Variants in SGCZ observed in about 807,000 individuals in gnomAD.
SGCZ encodes sarcoglycan zeta.
In SGCZ, 40 loss-of-function variants were observed where a neutral mutation model predicts 41.3. The observed-to-expected ratio is 0.97, with a 90% CI of 0.75 to 1.26. The LOEUF is 1.26. SGCZ is among the 50% of genes most tolerant of loss of function. The probability of loss-of-function intolerance (pLI) is 0.00; values close to 1 mark genes in which losing one functional copy is unlikely to be tolerated. For missense variants in SGCZ, 552 were observed against 369.8 expected (o/e 1.49, Z -4.04); for synonymous variants, 206 against 137.5 (o/e 1.50, Z -3.49).
chr8:14,596,855 C>T (rs1805428759), intron 1 of SGCZ, among the ~76,000 whole-genome samples: 1 of 151,934 alleles, frequency 6.6e-6, no homozygotes, highest in South Asian at 2.1e-4. Flanking sequence ...AATAAAGAAA[C>T]AGAATTTTTT....
At chr8:14,520,971 T>C (rs1464537675) in intron 2 of SGCZ, among the ~76,000 whole-genome samples, 2 of 152,152 alleles carry the variant, frequency 1.3e-5, no homozygotes, top group East Asian at 1.9e-4. Context: ...AAGATAGCAG[T>C]ATATAATTGC....
intron 4 of SGCZ, among the ~76,000 whole-genome samples, chr8:14,199,703 A>G (rs1008661863): frequency 2.6e-5 from 4 of 152,146 alleles, no homozygotes; most frequent in African/African-American, 9.7e-5. Flanking sequence ...CTTAGGGAAA[A>G]TAGAAAAGAA....
At chr8:14,708,327 G>A (rs142529508) in intron 1 of SGCZ, among the ~76,000 whole-genome samples, 213 of 151,796 alleles carry the variant, frequency 1.4e-3, no homozygotes, top group African/African-American at 4.8e-3. Flanking sequence ...TCTTGAGATA[G>A]TAAATATCTA....
At chr8:14,318,606 G>C (rs1315075446) in intron 3 of SGCZ, among the ~76,000 whole-genome samples, 1 of 151,802 alleles carries the variant, frequency 6.6e-6, no homozygotes, top group African/African-American at 2.4e-5. Context: ...GTACACCATT[G>C]GAAGTATTCT....
At chr8:14,600,099 TAGTA>T (rs1237264335) in intron 1 of SGCZ, among the ~76,000 whole-genome samples, 1 of 152,162 alleles carries the variant, frequency 6.6e-6, no homozygotes, top group Non-Finnish European at 1.5e-5. Context: ...TCCCATCTAG[TAGTA>T]GCATTTAACC....
chr8:14,287,532 G>A (rs1472378740), intron 3 of SGCZ, among the ~76,000 whole-genome samples: 1 of 151,916 alleles, frequency 6.6e-6, no homozygotes, highest in African/African-American at 2.4e-5. Flanking sequence ...ATTTCAAGAT[G>A]TCTTTACTAG....
chr8:14,299,912 A>G (rs1412773569), intron 3 of SGCZ, among the ~76,000 whole-genome samples: 1 of 152,014 alleles, frequency 6.6e-6, no homozygotes, highest in African/African-American at 2.4e-5. Context: ...CTCATCAGTA[A>G]TAAGTACTGC....
intron 1 of SGCZ, among the ~76,000 whole-genome samples, chr8:15,150,782 T>C (rs997291317): frequency 1.1e-4 from 17 of 152,340 alleles, no homozygotes; most frequent in African/African-American, 4.1e-4. Flanking sequence ...TTTGTTTCCA[T>C]AAATTCTCCT....
At chr8:14,128,918 G>A (rs1391253251) in intron 5 of SGCZ, among the ~76,000 whole-genome samples, 1 of 152,138 alleles carries the variant, frequency 6.6e-6, no homozygotes, top group South Asian at 2.1e-4. Flanking sequence ...ATTGACAATA[G>A]AGACTCCAAA....
chr8:14,171,218 G>A (rs145554660), intron 4 of SGCZ, among the ~76,000 whole-genome samples: 26 of 137,882 alleles, frequency 1.9e-4, no homozygotes, highest in Admixed American at 3.9e-4. Flanking sequence ...CCTGGTCTTC[G>A]GCTACATTTT....
rs138981989 is a variant in SGCZ at position 14,881,386 on chromosome 8, G to A, written c.40-326460C>T. On this transcript the variant is annotated intron_variant, in intron 1 of 7. Transcript: ENST00000382080. Reference sequence around the variant, plus strand: ...ATTTCGACCCCCATACACCATGTCGGTGGTTGAATTCTCCAGAAAGCAGAT... The same window carrying A: ...ATTTCGACCCCCATACACCATGTCGATGGTTGAATTCTCCAGAAAGCAGAT... 4.9e-4 allele frequency among the ~76,000 whole-genome samples: 74 copies of A among 152,180 alleles called. No homozygotes were observed. In the East Asian group the frequency reaches 0.013, roughly 27 times the overall value.
intron 1 of SGCZ, among the ~76,000 whole-genome samples, chr8:15,102,497 G>T (rs1289500396): frequency 5.9e-5 from 9 of 152,072 alleles, no homozygotes; most frequent in Non-Finnish European, 7.4e-5. Context: ...CACAAAAAAG[G>T]AACTATAGTG....
intron 1 of SGCZ, among the ~76,000 whole-genome samples, chr8:15,108,051 C>CT (rs1563129836): frequency 1.3e-5 from 2 of 152,184 alleles, no homozygotes; most frequent in Admixed American, 1.3e-4. Context: ...TTGTTTTCTC[C>CT]TTACCCCTCC....
chr8:14,796,066 G>C (rs1004368414), intron 1 of SGCZ, among the ~76,000 whole-genome samples: 1 of 152,106 alleles, frequency 6.6e-6, no homozygotes, highest in African/African-American at 2.4e-5. Flanking sequence ...TCTTTATCCA[G>C]TCTATCACTG....
intron 2 of SGCZ, among the ~76,000 whole-genome samples, chr8:14,551,581 ATATATAT>A (rs1803860300): frequency 4.4e-4 from 8 of 18,218 alleles, no homozygotes; most frequent in African/African-American, 7.2e-4. Context: ...TATATATATA[ATATATAT>A]AATATATATT....
intron 1 of SGCZ, among the ~76,000 whole-genome samples, chr8:15,229,638 G>C (rs1801883968): frequency 6.6e-6 from 1 of 152,164 alleles, no homozygotes; most frequent in Non-Finnish European, 1.5e-5. Context: ...CTTGAGGTAA[G>C]CGATTTATTT....
chr8:14,699,558 C>CA (rs1167973194), intron 1 of SGCZ, among the ~76,000 whole-genome samples: 1 of 151,710 alleles, frequency 6.6e-6, no homozygotes, highest in Non-Finnish European at 1.5e-5. Context: ...TCGACCTTGG[C>CA]AAAAAATGTA....
chr8:14,448,445 G>C (rs75312958), intron 2 of SGCZ, among the ~76,000 whole-genome samples: 25,854 of 152,122 alleles, frequency 0.17, 2,305 homozygotes, highest in African/African-American at 0.22. Flanking sequence ...CAGAATCCTG[G>C]ACTATGCATT....
intron 2 of SGCZ, among the ~76,000 whole-genome samples, chr8:14,377,142 T>C (rs1483941435): frequency 6.6e-6 from 1 of 152,196 alleles, no homozygotes; most frequent in African/African-American, 2.4e-5. Flanking sequence ...AGTTGGAACT[T>C]TCTGCCATAC....
Sources: gnomAD v4.1 joint callset for allele counts (sites outside exome capture counted in the v4.1 genomes callset) on GRCh38, gnomAD v4.1.1 for gene constraint, MANE v1.5 for transcripts, NCBI Gene and HGNC (gene_info 2026-07-23, HGNC 2026-07-21) for gene names.